The following DCLK1 variants were observed in gnomAD, a reference collection of about 807,000 sequenced individuals.
DCLK1 encodes the protein serine/threonine-protein kinase DCLK1.
A neutral mutation model predicts 86.2 loss-of-function variants in DCLK1; 16 were observed. The ratio of observed to expected loss-of-function variants is 0.19; its 90% CI spans 0.13 to 0.28. The LOEUF (loss-of-function observed/expected upper bound fraction) is 0.28, where lower values mean the gene tolerates loss of function less well. DCLK1 is among the 10% of genes least tolerant of loss of function. DCLK1 has a pLI of 1.00. For synonymous variants in DCLK1, 369 were observed against 370.5 expected (o/e 1.00, Z 0.05); for missense variants, 590 against 940.2 (o/e 0.63, Z 4.87).
At chr13:36,131,884 C>A (rs190969410), upstream of DCLK1, among the ~76,000 whole-genome samples, 3 of 152,340 alleles carry the variant, frequency 2.0e-5, no homozygotes, top group East Asian at 3.9e-4. Flanking sequence ...GGATGACCAA[C>A]CCTCCCAAGC....
intron 3 of DCLK1, among the ~76,000 whole-genome samples, chr13:36,056,766 G>A (rs1883334720): frequency 6.6e-6 from 1 of 150,638 alleles, no homozygotes; most frequent in Non-Finnish European, 1.5e-5. Flanking sequence ...CGTGGTGGCA[G>A]GTACCTGTAG....
At chr13:35,996,716 T>C (rs200633396) in intron 3 of DCLK1, among the ~76,000 whole-genome samples, 7 of 151,922 alleles carry the variant, frequency 4.6e-5, no homozygotes, top group Admixed American at 2.0e-4. Context: ...TATATATATA[T>C]ACACACAACC....
At chr13:36,002,995 A>T (rs193081385) in intron 3 of DCLK1, among the ~76,000 whole-genome samples, 152 of 152,280 alleles carry the variant, frequency 1.0e-3, no homozygotes, top group African/African-American at 3.4e-3. Flanking sequence ...GACCAAAGCC[A>T]GTGGGTCTGG....
intron 5 of DCLK1, among the ~76,000 whole-genome samples, chr13:35,856,824 A>C (rs1338002559): frequency 6.6e-6 from 1 of 152,226 alleles, no homozygotes; most frequent in East Asian, 1.9e-4. Context: ...TATATATTAC[A>C]TCATTTAACT....
chr13:35,930,616 AAAAACAAAC>A (rs1424269362), intron 4 of DCLK1, among the ~76,000 whole-genome samples: 45 of 151,026 alleles, frequency 3.0e-4, no homozygotes, highest in African/African-American at 1.1e-3. Context: ...ACAAACAAAC[AAAAACAAAC>A]AAAAACAAAA....
At chr13:35,780,268 A>C (rs2086502981) in intron 16 of DCLK1, among the ~76,000 whole-genome samples, 1 of 152,294 alleles carries the variant, frequency 6.6e-6, no homozygotes, top group African/African-American at 2.4e-5. Flanking sequence ...CTCCATGAAC[A>C]CTTAAGAGTT....
At chr13:35,847,047 T>G in intron 6 of DCLK1, 2 of 985,234 alleles carry the variant, frequency 2.0e-6, no homozygotes, top group Non-Finnish European at 2.4e-6. Context: ...TAGAGTATAG[T>G]GATTGGCAAC....
chr13:35,880,395 G>C (rs1872817784), intron 4 of DCLK1, among the ~76,000 whole-genome samples: 1 of 152,128 alleles, frequency 6.6e-6, no homozygotes, highest in Admixed American at 6.5e-5. Flanking sequence ...CTGCCCTCTA[G>C]GTAAGGTTCT....
intron 3 of DCLK1, among the ~76,000 whole-genome samples, chr13:36,011,861 T>G (rs951071588): frequency 1.3e-5 from 2 of 149,946 alleles, no homozygotes; most frequent in African/African-American, 5.0e-5. Context: ...TGTAGGAGTC[T>G]AAGTCTCTTT....
At chr13:36,012,173 CTT>C (rs1359362906) in intron 3 of DCLK1, among the ~76,000 whole-genome samples, 2 of 139,712 alleles carry the variant, frequency 1.4e-5, no homozygotes, top group Admixed American at 1.4e-4. Flanking sequence ...GGTCTTGACT[CTT>C]TATCCAATTT....
chr13:35,782,793 G>A (rs1201150119), intron 16 of DCLK1, among the ~76,000 whole-genome samples: 4 of 152,194 alleles, frequency 2.6e-5, no homozygotes, highest in Non-Finnish European at 4.4e-5. Flanking sequence ...CATTTGTACA[G>A]ATGGTGCCTT....
chr13:35,807,308 G>A (rs1323877261), intron 14 of DCLK1, among the ~76,000 whole-genome samples: 1 of 152,130 alleles, frequency 6.6e-6, no homozygotes, highest in Admixed American at 6.5e-5. Context: ...ACATTGTTGT[G>A]CAACCATCAC....
In DCLK1 at chr13:35,772,176, G is replaced by A. The variant is rs2086344448; in HGVS notation, c.*2359C>T. On this transcript the variant is annotated 3_prime_UTR_variant, in exon 17 of 17. Coordinates refer to ENST00000360631, the MANE Select transcript of DCLK1 (RefSeq NM_001330071.2). ...ATGTGCTGGGATCCCCATGCTGAAT[G>A]GGCCCTGCATTCTTCTGAGCTGCCC... 1 of 152,200 alleles carries A rather than the reference G, an allele frequency of 6.6e-6. No homozygotes were observed. The highest frequency in any genetic ancestry group is 2.4e-5 in the African/African-American group (1 of 41,442). The allele number at this position is 152,200 out of a possible 1,614,324, so 9.4% of individuals were successfully genotyped here. A position where few individuals can be genotyped will look rare whatever the true frequency, so the allele number is the denominator to read the frequency against.
At chr13:36,062,587 T>C (rs1883589842) in intron 3 of DCLK1, among the ~76,000 whole-genome samples, 1 of 152,174 alleles carries the variant, frequency 6.6e-6, no homozygotes, top group Non-Finnish European at 1.5e-5. Flanking sequence ...TAATGACATC[T>C]TGCAGCAGAG....
intron 3 of DCLK1, among the ~76,000 whole-genome samples, chr13:35,954,226 A>T (rs536813218): frequency 0.03 from 4,497 of 152,116 alleles, 99 homozygotes; most frequent in Non-Finnish European, 0.045. Context: ...TTTTTAAAAA[A>T]AAATCTAGTT....
chr13:35,960,619 G>C (rs368101442), intron 3 of DCLK1, among the ~76,000 whole-genome samples: 489 of 152,094 alleles, frequency 3.2e-3, no homozygotes, highest in African/African-American at 0.011. Context: ...CACTACAGCT[G>C]GCTAATTTTT....
chr13:35,914,334 TATATATATATATATAC>T (rs1459502551), intron 4 of DCLK1, among the ~76,000 whole-genome samples: 6 of 2,628 alleles, frequency 2.3e-3, no homozygotes, highest in African/African-American at 7.5e-3. Flanking sequence ...AAAAAAAAAA[TATATATATATATATAC>T]ATATATATAT....
chr13:36,091,347 C>T (rs1311417769), intron 3 of DCLK1, among the ~76,000 whole-genome samples: 4 of 152,028 alleles, frequency 2.6e-5, no homozygotes, highest in Non-Finnish European at 5.9e-5. Flanking sequence ...ACATGTATCC[C>T]AGAACTTAAA....
chr13:35,808,992 G>T, intron 13 of DCLK1, 26 bp downstream of exon 13: 1 of 1,600,008 alleles, frequency 6.2e-7, no homozygotes, highest in Non-Finnish European at 8.6e-7. Context: ...CTTTGTCGGC[G>T]CTGAATAAAA....
Sources: gnomAD v4.1 joint callset for allele counts (sites outside exome capture counted in the v4.1 genomes callset) on GRCh38, gnomAD v4.1.1 for gene constraint, MANE v1.5 for transcripts, NCBI Gene and HGNC (gene_info 2026-07-23, HGNC 2026-07-21) for gene names.